The following HELT variants were observed in gnomAD, a reference collection of about 807,000 sequenced individuals.
HELT encodes helt bHLH transcription factor, also known as hairy and enhancer of split-related protein HELT.
A neutral mutation model predicts 19.5 loss-of-function variants in HELT; 9 were observed. The ratio of observed to expected loss-of-function variants is 0.46; its 90% CI spans 0.28 to 0.80. The LOEUF is 0.80. Among genes scored for constraint, HELT ranks in the 30% least tolerant of loss-of-function variants. HELT has a pLI of 0.12. For synonymous variants in HELT, 162 were observed against 148.3 expected (o/e 1.09, Z -0.67); for missense variants, 366 against 326.3 (o/e 1.12, Z -0.94).
rs760376247 is a variant in HELT, at chr4:185,020,525, C to G, written c.482C>G (p.Pro161Arg). Residue 161 changes from proline to arginine, a missense_variant, in exon 4 of 4, where the codon CCG becomes CGG. Coordinates refer to ENST00000515777, the MANE Select transcript of HELT (RefSeq NM_001300781.2). The stretch of plus-strand genomic sequence containing the variant: ...GGGCCCGAATTCGCTGGTCACAGCC[C>G]GGGCGAGGCCGCTGTGTTCCCGCAG... ...PAGPEFAGHS[P>R]GEAAVFPQGS... is the part of the protein sequence containing the mutation. 1.2e-6 allele frequency: 2 copies of G among 1,609,502 alleles called. No individual in the cohort carries two copies. Among genetic ancestry groups the G allele is most frequent in the South Asian group, 1.1e-5 (1 of 90,998 alleles).
intron 1 of HELT, 38 bp from the exon 2 acceptor site, chr4:185,019,349 G>T: frequency 6.5e-7 from 1 of 1,545,082 alleles, no homozygotes. Flanking sequence ...CGACTTCCCG[G>T]GCAAAGCCAT....
Position 185,019,751 on chromosome 4 carries a change from C to T in HELT, c.137C>T (p.Ser46Phe), listed in dbSNP as rs770605765. 6.2e-7 allele frequency: 1 copy of T among 1,613,438 alleles called. No individual in the cohort carries two copies. Among genetic ancestry groups the T allele is most frequent in the Non-Finnish European group, 8.5e-7 (1 of 1,179,980 alleles). The change falls in exon 3 of 4, where the codon TCC (serine) becomes TTC (phenylalanine). Residue 46 changes from serine to phenylalanine, a missense_variant. By Grantham distance (155) the Ser-to-Phe change is radical. Transcript: ENST00000515777. ...GGGCCCTTCCTCCTTTTGCAGAGTT[C>T]CGGGAAGCTGGAGAAGGCGGAGATC... ...TVPMALAKQS[S>F]GKLEKAEILE...
At position 185,018,754 on chromosome 4, in the gene HELT, C is replaced by A. The variant is rs900484933; in HGVS notation, c.-175C>A. The A allele has an allele frequency of 5.6e-6, 3 of 532,962 alleles. No homozygotes were observed. The African/African-American group carries it at 5.8e-5, about 10-fold the overall frequency. 33.0% of individuals were successfully genotyped at this position (532,962 alleles called of 1,614,324 possible). A position where few individuals can be genotyped will look rare whatever the true frequency, so the allele number is the denominator to read the frequency against. ...TCCTCCAAACGCAGCTCCCCTAATC[C>A]TATGGAATAATTCAACTCGTGAATG... On this transcript the variant is annotated 5_prime_UTR_variant, in exon 1 of 4. Coordinates refer to ENST00000515777, the MANE Select transcript of HELT (RefSeq NM_001300781.2).
intron 2 of HELT, 50 bp from the exon 3 acceptor site, chr4:185,019,697 C>A (rs1222230717): frequency 1.9e-6 from 3 of 1,611,784 alleles, no homozygotes; most frequent in Non-Finnish European, 2.5e-6. Context: ...GCCACAGTGC[C>A]CGACCAGCAG....
Sources: gnomAD v4.1 joint callset for allele counts on GRCh38, gnomAD v4.1.1 for gene constraint, MANE v1.5 for transcripts, NCBI Gene and HGNC (gene_info 2026-07-23, HGNC 2026-07-21) for gene names.